Variants in VWC2 observed in about 807,000 individuals in gnomAD.
The protein encoded by VWC2 is von Willebrand factor C domain containing 2.
A neutral mutation model predicts 29.8 loss-of-function variants in VWC2; 14 were observed. The ratio of observed to expected loss-of-function variants is 0.47; its 90% CI spans 0.31 to 0.74. The LOEUF (loss-of-function observed/expected upper bound fraction) is 0.74, where lower values mean the gene tolerates loss of function less well. Ranked by LOEUF, VWC2 falls within the 30% of genes least tolerant of loss-of-function variation. The probability of loss-of-function intolerance (pLI) is 0.05; values close to 1 mark genes in which losing one functional copy is unlikely to be tolerated. For synonymous variants in VWC2, 213 were observed against 199.0 expected (o/e 1.07, Z -0.59); for missense variants, 457 against 459.8 (o/e 0.99, Z 0.05).
At chr7:49,815,893 A>G (rs1051739136) in intron 3 of VWC2, among the ~76,000 whole-genome samples, 1 of 152,220 alleles carries the variant, frequency 6.6e-6, no homozygotes, top group African/African-American at 2.4e-5. Flanking sequence ...ACAAAAGAAA[A>G]AATGGCTAAT....
chr7:49,813,892 C>T (rs527804639), intron 3 of VWC2, among the ~76,000 whole-genome samples: 3 of 152,206 alleles, frequency 2.0e-5, no homozygotes, highest in African/African-American at 7.2e-5. Context: ...GCATTAGCTA[C>T]AATATTTAGC....
chr7:49,789,911 G>C (rs185955364), intron 2 of VWC2, among the ~76,000 whole-genome samples: 3 of 152,250 alleles, frequency 2.0e-5, no homozygotes, highest in East Asian at 3.9e-4. Flanking sequence ...CTGGTGCTCC[G>C]GGGGGCCCTA....
At chr7:49,835,105 A>G (rs1789627462) in intron 3 of VWC2, among the ~76,000 whole-genome samples, 1 of 152,210 alleles carries the variant, frequency 6.6e-6, no homozygotes, top group Non-Finnish European at 1.5e-5. Flanking sequence ...TTGTTTGCCT[A>G]GAATTCTCAC....
chr7:49,848,440 C>T (rs909282459), intron 3 of VWC2, among the ~76,000 whole-genome samples: 2 of 152,232 alleles, frequency 1.3e-5, no homozygotes, highest in Non-Finnish European at 2.9e-5. Context: ...TCCCAGGACA[C>T]ATGGGATCCT....
At chr7:49,819,696 T>C (rs1395032251) in intron 3 of VWC2, among the ~76,000 whole-genome samples, 3 of 152,188 alleles carry the variant, frequency 2.0e-5, no homozygotes, top group Admixed American at 6.5e-5. Context: ...ACAGTAAATT[T>C]TTAGAGAAGT....
At chr7:49,833,350 A>G (rs1042724379) in intron 3 of VWC2, among the ~76,000 whole-genome samples, 2 of 152,194 alleles carry the variant, frequency 1.3e-5, no homozygotes, top group African/African-American at 4.8e-5. Context: ...AGAAAGATGA[A>G]TGTGGAAGTG....
At chr7:49,847,718 G>C (rs796252862) in intron 3 of VWC2, among the ~76,000 whole-genome samples, 3 of 152,136 alleles carry the variant, frequency 2.0e-5, no homozygotes, top group African/African-American at 7.2e-5. Context: ...GGGGTGAGGC[G>C]GGCTTAGGAT....
Position 49,919,526 on chromosome 7 carries a change from T to C in VWC2, c.*7341T>C, listed in dbSNP as rs893934290. 1.3e-5 allele frequency: 2 copies of C among 152,180 alleles called. No individual in the cohort carries two copies. Among genetic ancestry groups the C allele is most frequent in the Non-Finnish European group, 2.9e-5 (2 of 68,032 alleles). 9.4% of individuals were successfully genotyped at this position (152,180 alleles called of 1,614,324 possible). On this transcript the variant is annotated 3_prime_UTR_variant, in exon 4 of 4. Coordinates refer to ENST00000340652, the MANE Select transcript of VWC2 (RefSeq NM_198570.5). ...GTGCCTGCTTGGGCTAGTTATACTCTGCAGTATACCCTGGTTTATTGTGAG... is the reference window on the plus strand; with the variant it reads ...GTGCCTGCTTGGGCTAGTTATACTCCGCAGTATACCCTGGTTTATTGTGAG...
rs373805796 is a variant in VWC2 at position 49,878,137 on chromosome 7, C to T, written c.827-33897C>T. 7.6e-4 allele frequency among the ~76,000 whole-genome samples: 115 copies of T among 152,242 alleles called. 3 individuals carry two copies. The South Asian group carries it at 0.024, about 32-fold the overall frequency. ...TAATGTTAATTGGTGCTTCTACCCA[C>T]AGCCTGGGCCACACTCAGGCTTCAG... On this transcript the variant is annotated intron_variant, in intron 3 of 3. Transcript: ENST00000340652.
chr7:49,780,549 A>G (rs757120821), intron 2 of VWC2, among the ~76,000 whole-genome samples: 1 of 152,192 alleles, frequency 6.6e-6, no homozygotes, highest in Non-Finnish European at 1.5e-5. Context: ...TATAAAACCT[A>G]ATGGAATTTT....
chr7:49,775,432 G>A lies in VWC2; in HGVS notation c.-4G>A. 7.9e-7 allele frequency: 1 copy of A among 1,262,824 alleles called. No individual in the cohort carries two copies. The highest frequency in any genetic ancestry group is 1.0e-6 in the Non-Finnish European group (1 of 969,264). The allele number at this position is 1,262,824 out of a possible 1,614,324, so 78.2% of individuals were successfully genotyped here. On this transcript the variant is annotated 5_prime_UTR_variant, in exon 2 of 4. It removes the in-frame stop codon of an upstream open reading frame in the 5' UTR. Coordinates refer to ENST00000340652, the MANE Select transcript of VWC2 (RefSeq NM_198570.5). ...CCCGCCCGCCCGCCGGGACGTGGTA[G>A]GGGATGCCCAGCTCCACTGCGATGG... is the stretch of plus-strand genomic sequence containing the variant.
At chr7:49,776,896 A>G (rs1223967885) in intron 2 of VWC2, among the ~76,000 whole-genome samples, 1 of 152,246 alleles carries the variant, frequency 6.6e-6, no homozygotes, top group Non-Finnish European at 1.5e-5. Flanking sequence ...AATGTGTTGA[A>G]GGCAGAACAG....
At chr7:49,819,976 C>G (rs745531179) in intron 3 of VWC2, among the ~76,000 whole-genome samples, 6 of 152,144 alleles carry the variant, frequency 3.9e-5, no homozygotes, top group Non-Finnish European at 8.8e-5. Flanking sequence ...ACAATCCTCC[C>G]TATTTTGGGA....
At chr7:49,898,659 A>G (rs1792529080) in intron 3 of VWC2, among the ~76,000 whole-genome samples, 1 of 152,096 alleles carries the variant, frequency 6.6e-6, no homozygotes, top group South Asian at 2.1e-4. Context: ...AACCTACATA[A>G]GCTTATGTAT....
At chr7:49,810,907 T>G (rs1159859875) in intron 3 of VWC2, among the ~76,000 whole-genome samples, 1 of 152,182 alleles carries the variant, frequency 6.6e-6, no homozygotes, top group African/African-American at 2.4e-5. Flanking sequence ...TTAAACTATG[T>G]AACTTTTAGA....
Position 49,877,489 on chromosome 7 carries a change from T to C in VWC2, c.827-34545T>C, listed in dbSNP as rs1351174018. 9.5e-3 allele frequency among the ~76,000 whole-genome samples: 390 copies of C among 41,038 alleles called. 83 individuals carry two copies. The highest frequency in any genetic ancestry group is 0.01 in the Non-Finnish European group (255 of 25,094). The allele number at this position is 41,038 out of a possible 152,430, so 26.9% of individuals were successfully genotyped here. A position where few individuals can be genotyped will look rare whatever the true frequency, so the allele number is the denominator to read the frequency against. ...AAAAAAAAAAAAAAAAAAATATATA[T>C]ATATATATATATATATATATATATA... is the stretch of plus-strand genomic sequence containing the variant. On this transcript the variant is annotated intron_variant, in intron 3 of 3. Transcript: ENST00000340652.
At chr7:49,838,473 C>CT (rs1276824384) in intron 3 of VWC2, among the ~76,000 whole-genome samples, 4 of 151,864 alleles carry the variant, frequency 2.6e-5, no homozygotes, top group African/African-American at 9.7e-5. Flanking sequence ...CTTTTGGGAT[C>CT]TTGTCAGTGG....
chr7:49,857,759 A>C (rs1413955608), intron 3 of VWC2, among the ~76,000 whole-genome samples: 1 of 152,206 alleles, frequency 6.6e-6, no homozygotes, highest in African/African-American at 2.4e-5. Flanking sequence ...ACAAGTTAAA[A>C]ACAGAGCCAT....
Position 49,775,775 on chromosome 7 carries a change from C to A in VWC2, c.340C>A (p.Arg114Ser). 1 of 1,520,226 alleles carries A rather than the reference C, an allele frequency of 6.6e-7. No individual in the cohort carries two copies. The highest frequency in any genetic ancestry group is 8.8e-7 in the Non-Finnish European group (1 of 1,135,246). The allele number at this position is 1,520,226 out of a possible 1,614,324, so 94.2% of individuals were successfully genotyped here. A position where few individuals can be genotyped will look rare whatever the true frequency, so the allele number is the denominator to read the frequency against. The part of the protein sequence containing the change: ...AKAGDLQVRP[R>S]GDTPQAEALA... ...GGCCGGGGATCTGCAGGTCCGGCCC[C>A]GCGGGGACACCCCGCAGGCGGAAGC... The change falls in exon 2 of 4, where the codon CGC becomes AGC. Residue 114 changes from arginine to serine, a missense_variant. By Grantham distance (110) the Arg-to-Ser change is moderately radical. Around this residue, in one of 2 missense-constraint regions of VWC2, gnomAD observed 272 missense variants for 202.7 expected, o/e 1.34. Coordinates refer to ENST00000340652, the MANE Select transcript of VWC2 (RefSeq NM_198570.5).
Sources: allele counts gnomAD v4.1 joint callset (sites outside exome capture counted in the v4.1 genomes callset), GRCh38; gene constraint gnomAD v4.1.1; regional missense constraint gnomAD v4.1.1; transcripts MANE v1.5; gene names NCBI Gene and HGNC (gene_info 2026-07-23, HGNC 2026-07-21).